The following SFXN5 variants were observed in gnomAD, a reference collection of about 807,000 sequenced individuals.
SFXN5 encodes sideroflexin 5, also known as sideroflexin-5.
In SFXN5, 43 loss-of-function variants were observed where a neutral mutation model predicts 50.2. That is an observed-to-expected ratio of 0.86 (90% CI 0.67 to 1.11). SFXN5 has a LOEUF of 1.11. Ranked by LOEUF, SFXN5 falls within the 50% of genes least tolerant of loss-of-function variation. The probability of loss-of-function intolerance (pLI) is 0.00; values close to 1 mark genes in which losing one functional copy is unlikely to be tolerated. For missense variants in SFXN5, 463 were observed against 454.1 expected (o/e 1.02, Z -0.18); for synonymous variants, 203 against 185.8 (o/e 1.09, Z -0.75).
intron 10 of SFXN5, among the ~76,000 whole-genome samples, chr2:72,984,675 A>AG (rs1425871111): frequency 1.6e-4 from 24 of 152,164 alleles, no homozygotes; most frequent in African/African-American, 5.3e-4. Context: ...AGGGAATATG[A>AG]GGGGAGCCGT....
intron 13 of SFXN5, among the ~76,000 whole-genome samples, chr2:72,952,786 T>G (rs553901214): frequency 1.3e-5 from 2 of 152,296 alleles, no homozygotes; most frequent in Admixed American, 1.3e-4. Flanking sequence ...GATGGCCCTT[T>G]GGAGGCTTAG....
Position 72,944,929 on chromosome 2 carries a change from G to T in SFXN5, c.*93C>A. 2 of 1,201,818 alleles carry T rather than the reference G, an allele frequency of 1.7e-6. No individual in the cohort carries two copies. The highest frequency in any genetic ancestry group is 2.4e-6 in the Non-Finnish European group (2 of 835,412). The allele number at this position is 1,201,818 out of a possible 1,614,324, so 74.4% of individuals were successfully genotyped here. A position where few individuals can be genotyped will look rare whatever the true frequency, so the allele number is the denominator to read the frequency against. On this transcript the variant is annotated 3_prime_UTR_variant, in exon 14 of 14. Coordinates refer to ENST00000272433, the MANE Select transcript of SFXN5 (RefSeq NM_144579.3). ...GGGGCCCAGGACTGCTGGGGTTGGC[G>T]TGCTGCTCCCTGCAGGTGCAGCCGT...
chr2:73,052,341 T>TGTGTGTGTGTGTGTGTATGC (rs1353092977), intron 2 of SFXN5, among the ~76,000 whole-genome samples: 1 of 133,388 alleles, frequency 7.5e-6, no homozygotes, highest in African/African-American at 3.1e-5. Context: ...AGAGAGAGAG[T>TGTGTGTGTGTGTGTGTATGC]GTGTGTGTGT....
chr2:73,047,249 T>TATATATATATATATATATATATATACAC (rs1574224434), intron 2 of SFXN5, among the ~76,000 whole-genome samples: 1 of 19,314 alleles, frequency 5.2e-5, no homozygotes, highest in Non-Finnish European at 1.2e-4. Context: ...AAAAAAAATA[T>TATATATATATATATATATATATATACAC]ATATATATAT....
chr2:72,993,202 C>A (rs918352323), intron 9 of SFXN5, among the ~76,000 whole-genome samples: 2 of 152,138 alleles, frequency 1.3e-5, no homozygotes, highest in Non-Finnish European at 2.9e-5. Flanking sequence ...TTTGTGAGGG[C>A]ACCGGGGGCA....
Position 72,945,117 on chromosome 2 carries a change from A to G in SFXN5, c.946-18T>C, listed in dbSNP as rs1671789438. On this transcript the variant is annotated intron_variant, in intron 13 of 13. Transcript: ENST00000272433. This position sits in a 1 kb window ranked among gnomAD's most constrained non-coding sequence, Gnocchi z 5.8. ...GTTTCAATCTGTGGAGAGAGAACAGAGAGGAAAAGTGGGGGAGTGGGAAGG... is the reference window on the plus strand; with the variant it reads ...GTTTCAATCTGTGGAGAGAGAACAGGGAGGAAAAGTGGGGGAGTGGGAAGG... The G allele has an allele frequency of 1.9e-6, 3 of 1,611,934 alleles. No individual in the cohort carries two copies. The highest frequency in any genetic ancestry group is 1.1e-5 in the South Asian group (1 of 90,818).
At chr2:73,070,166 C>A (rs1030207113) in intron 1 of SFXN5, among the ~76,000 whole-genome samples, 1 of 152,146 alleles carries the variant, frequency 6.6e-6, no homozygotes, top group Non-Finnish European at 1.5e-5. Flanking sequence ...GGAGCGGGGA[C>A]AGGCAATGTA....
chr2:72,974,094 G>A (rs1008864232), intron 10 of SFXN5, among the ~76,000 whole-genome samples: 2 of 152,226 alleles, frequency 1.3e-5, no homozygotes, highest in Non-Finnish European at 2.9e-5. Flanking sequence ...ATAAAAGGAG[G>A]GGCAGAATGT....
intron 3 of SFXN5, among the ~76,000 whole-genome samples, chr2:73,033,431 GAGGAT>G (rs1291697608): frequency 1.7e-4 from 26 of 152,244 alleles, no homozygotes; most frequent in Non-Finnish European, 2.5e-4. Flanking sequence ...ACCAGGACAA[GAGGAT>G]AGCAAGTGTG....
intron 9 of SFXN5, among the ~76,000 whole-genome samples, chr2:72,995,363 CA>C (rs1312698848): frequency 6.6e-6 from 1 of 152,226 alleles, no homozygotes; most frequent in Non-Finnish European, 1.5e-5. Flanking sequence ...CAGACATTGC[CA>C]AATCTATTTA....
At chr2:73,019,418 CTTTTT>C (rs1311346600) in intron 6 of SFXN5, 1 of 129,870 alleles carries the variant, frequency 7.7e-6, no homozygotes, top group African/African-American at 2.8e-5. Flanking sequence ...GCTTGCTTTT[CTTTTT>C]TTTTTTTCTT....
intron 3 of SFXN5, among the ~76,000 whole-genome samples, chr2:73,038,838 AACT>A (rs1369920994): frequency 6.6e-6 from 1 of 152,170 alleles, no homozygotes; most frequent in African/African-American, 2.4e-5. Context: ...TCTTAAAACT[AACT>A]AAAAACTAAG....
chr2:72,961,197 G>T lies in SFXN5; in HGVS notation c.879C>A (p.Leu293=), dbSNP rs765660927. The T allele has an allele frequency of 1.9e-6, 3 of 1,563,588 alleles. No homozygotes were observed. The Admixed American group carries it at 5.9e-5, about 31-fold the overall frequency. ...RPRLLLPVQS[L]VCLAAFGLAL... is the part of the protein sequence containing the mutation. Reference sequence around the variant, plus strand: ...CCAGGCCGAAGGCTGCCAGGCACACGAGGCTTTGCACAGGGAGGAGCAGCC... The same window carrying T: ...CCAGGCCGAAGGCTGCCAGGCACACTAGGCTTTGCACAGGGAGGAGCAGCC... Residue 293 remains leucine, a synonymous_variant, in exon 13 of 14, where the codon CTC becomes CTA. Coordinates refer to ENST00000272433, the MANE Select transcript of SFXN5 (RefSeq NM_144579.3). The surrounding 1 kb of genome is among the most constrained non-coding windows in gnomAD (Gnocchi z 4.4).
At chr2:72,956,014 G>A (rs1011856484) in intron 13 of SFXN5, among the ~76,000 whole-genome samples, 10 of 152,204 alleles carry the variant, frequency 6.6e-5, no homozygotes, top group Admixed American at 2.6e-4. Context: ...CACCACCAGC[G>A]GGGAGATTCA....
At chr2:73,018,524 A>C (rs1676447197) in intron 6 of SFXN5, among the ~76,000 whole-genome samples, 1 of 152,250 alleles carries the variant, frequency 6.6e-6, no homozygotes, top group Admixed American at 6.5e-5. Flanking sequence ...ACATTAAAGA[A>C]AGAGGCAGAA....
intron 3 of SFXN5, 111 bp from the exon 4 acceptor site, chr2:73,023,325 G>T: frequency 8.9e-7 from 1 of 1,129,618 alleles, no homozygotes; most frequent in Non-Finnish European, 1.3e-6. Context: ...CCGAAAGCCC[G>T]AAAGAAGCTC....
At chr2:72,947,346 T>C (rs1672066371) in intron 13 of SFXN5, among the ~76,000 whole-genome samples, 1 of 152,216 alleles carries the variant, frequency 6.6e-6, no homozygotes. Context: ...TCAGCCCCGA[T>C]GTTGGGCTTT....
rs184381244 is a variant in SFXN5 at position 72,951,293 on chromosome 2, C to T, written c.946-6194G>A. Among the ~76,000 whole-genome samples the T allele has an allele frequency of 2.0e-3, 312 of 152,244 alleles. 1 individual carries two copies. Among genetic ancestry groups the T allele is most frequent in the African/African-American group, 7.2e-3 (299 of 41,540 alleles). ...GAGTGCCACCCCATCTTCCCAACCC[C>T]GCTCAGACCTTGCTGCCCCTCCAGG... On this transcript the variant is annotated intron_variant, in intron 13 of 13. Transcript: ENST00000272433.
intron 13 of SFXN5, among the ~76,000 whole-genome samples, chr2:72,958,230 C>T (rs1673323115): frequency 6.6e-6 from 1 of 152,206 alleles, no homozygotes; most frequent in African/African-American, 2.4e-5. Flanking sequence ...CCCCAGCTCC[C>T]TCTTCTCTTG....
Sources: allele counts gnomAD v4.1 joint callset (sites outside exome capture counted in the v4.1 genomes callset), GRCh38; gene constraint gnomAD v4.1.1; non-coding constraint Gnocchi (gnomAD v3.1); transcripts MANE v1.5; gene names NCBI Gene and HGNC (gene_info 2026-07-23, HGNC 2026-07-21).